The following THSD7A variants were observed in gnomAD, a reference collection of about 807,000 sequenced individuals.
THSD7A encodes the protein thrombospondin type-1 domain-containing protein 7A.
A neutral mutation model predicts 231.3 loss-of-function variants in THSD7A; 96 were observed. The ratio of observed to expected loss-of-function variants is 0.41; its 90% CI spans 0.35 to 0.49. The LOEUF (loss-of-function observed/expected upper bound fraction) is 0.49. THSD7A is among the 20% of genes least tolerant of loss of function. The pLI, the probability that THSD7A is intolerant of heterozygous loss-of-function variation, is 0.05. For synonymous variants in THSD7A, 940 were observed against 743.3 expected (o/e 1.26, Z -4.30); for missense variants, 2,290 against 2,070.2 (o/e 1.11, Z -2.06).
At chr7:11,433,643 G>T (rs11974053) in intron 13 of THSD7A, among the ~76,000 whole-genome samples, 1 of 151,914 alleles carries the variant, frequency 6.6e-6, no homozygotes, top group Non-Finnish European at 1.5e-5. Flanking sequence ...ACTGCAAAAT[G>T]TCTCTCAAAA....
chr7:11,464,837 G>C (rs1480866915), intron 9 of THSD7A, among the ~76,000 whole-genome samples: 1 of 152,234 alleles, frequency 6.6e-6, no homozygotes, highest in East Asian at 1.9e-4. Context: ...TTACCCATTG[G>C]CAGGTCTGTT....
At chr7:11,707,940 T>A (rs1460153404) in intron 1 of THSD7A, among the ~76,000 whole-genome samples, 1 of 150,866 alleles carries the variant, frequency 6.6e-6, no homozygotes, top group African/African-American at 2.4e-5. Flanking sequence ...ATCTCTTTGC[T>A]GTCCATTTCT....
chr7:11,648,520 CT>C lies in THSD7A; in HGVS notation c.191-11560del, dbSNP rs377516997. On this transcript the variant is annotated intron_variant, in intron 1 of 27. Coordinates refer to ENST00000423059, the MANE Select transcript of THSD7A (RefSeq NM_015204.3). ...GATTTTAGCTATGTCTTACCAAATA[CT>C]TTATTTGGTGGGCTTCATTATATCT... Among the ~76,000 whole-genome samples, 221 of 151,968 alleles carry C rather than the reference CT, an allele frequency of 1.5e-3. 2 individuals carry two copies. The highest frequency in any genetic ancestry group is 5.0e-3 in the African/African-American group (207 of 41,432).
At chr7:11,820,212 G>A (rs963339822) in intron 1 of THSD7A, 2 of 354,134 alleles carry the variant, frequency 5.6e-6, no homozygotes, top group African/African-American at 4.2e-5. Context: ...AGGGGTGGGG[G>A]TAGGATTTTT....
chr7:11,476,795 A>G (rs1215915026), intron 7 of THSD7A, among the ~76,000 whole-genome samples: 1 of 150,582 alleles, frequency 6.6e-6, no homozygotes, highest in Non-Finnish European at 1.5e-5. Context: ...AGCCTGGTCA[A>G]CAGAGAGAGA....
chr7:11,809,189 T>C (rs1262059942), intron 1 of THSD7A, among the ~76,000 whole-genome samples: 2 of 152,216 alleles, frequency 1.3e-5, no homozygotes, highest in African/African-American at 4.8e-5. Flanking sequence ...GTAAGAGAGA[T>C]ACTTAAACAA....
At chr7:11,512,622 C>T (rs62435233) in intron 6 of THSD7A, among the ~76,000 whole-genome samples, 3,837 of 151,906 alleles carry the variant, frequency 0.025, 69 homozygotes, top group Non-Finnish European at 0.039. Context: ...GATGAGTTCA[C>T]GTCCTTTTTA....
At chr7:11,516,459 A>C (rs1248163653) in intron 6 of THSD7A, among the ~76,000 whole-genome samples, 1 of 152,198 alleles carries the variant, frequency 6.6e-6, no homozygotes, top group Non-Finnish European at 1.5e-5. Flanking sequence ...AGTGTACTTC[A>C]TGGCTATATT....
intron 2 of THSD7A, among the ~76,000 whole-genome samples, chr7:11,635,631 T>TTATA (rs1378647840): frequency 6.6e-6 from 1 of 152,172 alleles, no homozygotes; most frequent in Non-Finnish European, 1.5e-5. Flanking sequence ...AGTTATTCCA[T>TTATA]TATATACAAT....
intron 22 of THSD7A, among the ~76,000 whole-genome samples, chr7:11,405,152 AT>A (rs67149392): frequency 1.0e-3 from 148 of 145,562 alleles, no homozygotes; most frequent in Middle Eastern, 7.1e-3. Context: ...ATCTCAAATG[AT>A]TTTTTTTTTT....
chr7:11,518,648 T>G (rs1788137870), intron 6 of THSD7A, among the ~76,000 whole-genome samples: 1 of 151,076 alleles, frequency 6.6e-6, no homozygotes, highest in African/African-American at 2.4e-5. Flanking sequence ...CACATAGATT[T>G]CTTTTCCCTG....
intron 17 of THSD7A, among the ~76,000 whole-genome samples, chr7:11,416,194 A>G (rs1329025214): frequency 6.6e-6 from 1 of 152,188 alleles, no homozygotes; most frequent in Non-Finnish European, 1.5e-5. Context: ...TAAATAATAG[A>G]GCCTCAATAA....
chr7:11,694,831 G>A (rs2128142901), intron 1 of THSD7A, among the ~76,000 whole-genome samples: 1 of 151,562 alleles, frequency 6.6e-6, no homozygotes, highest in Non-Finnish European at 1.5e-5. Flanking sequence ...TCATTTATAT[G>A]TCTATCAAGA....
intron 4 of THSD7A, among the ~76,000 whole-genome samples, chr7:11,564,090 G>T (rs1790195662): frequency 6.6e-6 from 1 of 152,048 alleles, no homozygotes; most frequent in South Asian, 2.1e-4. Context: ...GTCTATTTTG[G>T]TTTACAATCG....
chr7:11,818,273 T>C (rs1784770922), intron 1 of THSD7A, among the ~76,000 whole-genome samples: 1 of 152,230 alleles, frequency 6.6e-6, no homozygotes, highest in African/African-American at 2.4e-5. Context: ...ATACCATAAG[T>C]TAAACTATTT....
intron 1 of THSD7A, among the ~76,000 whole-genome samples, chr7:11,807,413 A>G (rs919236543): frequency 3.3e-5 from 5 of 152,172 alleles, no homozygotes; most frequent in African/African-American, 1.2e-4. Flanking sequence ...GGGTATTAAG[A>G]GGGACTATAA....
intron 8 of THSD7A, among the ~76,000 whole-genome samples, chr7:11,471,225 G>A (rs2128301346): frequency 6.6e-6 from 1 of 151,988 alleles, no homozygotes; most frequent in South Asian, 2.1e-4. Flanking sequence ...TGCCATGTAA[G>A]CTAACAGGCA....
intron 6 of THSD7A, among the ~76,000 whole-genome samples, chr7:11,487,696 G>C (rs919711073): frequency 2.0e-5 from 3 of 151,984 alleles, no homozygotes; most frequent in African/African-American, 7.3e-5. Context: ...ATGGTGGCAG[G>C]CAAGAGAGCT....
intron 23 of THSD7A, among the ~76,000 whole-genome samples, chr7:11,382,893 A>G (rs922236641): frequency 3.3e-5 from 5 of 150,744 alleles, no homozygotes; most frequent in African/African-American, 1.2e-4. Context: ...ATATGCAGCC[A>G]GGTATAGAGA....
Sources: allele counts gnomAD v4.1 joint callset (sites outside exome capture counted in the v4.1 genomes callset), GRCh38; gene constraint gnomAD v4.1.1; transcripts MANE v1.5; gene names NCBI Gene and HGNC (gene_info 2026-07-23, HGNC 2026-07-21).